Variants in SLC12A2 observed in about 807,000 individuals in gnomAD.
The protein encoded by SLC12A2 is Na-K-2Cl cotransporter 1.
A neutral mutation model predicts 136.3 loss-of-function variants in SLC12A2; 67 were observed. That is an observed-to-expected ratio of 0.49 (90% CI 0.40 to 0.60). SLC12A2 has a LOEUF of 0.60. Ranked by LOEUF, SLC12A2 falls within the 20% of genes least tolerant of loss-of-function variation. SLC12A2 has a pLI of 0.00. For missense variants in SLC12A2, 1,322 were observed against 1,534.7 expected (o/e 0.86, Z 2.32); for synonymous variants, 619 against 562.9 (o/e 1.10, Z -1.41).
chr5:128,146,304 C>T (rs1762525016), intron 10 of SLC12A2, among the ~76,000 whole-genome samples: 1 of 151,468 alleles, frequency 6.6e-6, no homozygotes, highest in South Asian at 2.1e-4. Flanking sequence ...TCCACTTGTC[C>T]CAGTAATGTC....
intron 16 of SLC12A2, among the ~76,000 whole-genome samples, chr5:128,160,931 G>A (rs1212436284): frequency 6.6e-6 from 1 of 151,886 alleles, no homozygotes; most frequent in Non-Finnish European, 1.5e-5. Context: ...TGGGACTTGT[G>A]GAGTTTTCTA....
At chr5:128,183,472 TAGTA>T (rs1763773085) in intron 24 of SLC12A2, among the ~76,000 whole-genome samples, 3 of 151,952 alleles carry the variant, frequency 2.0e-5, no homozygotes, top group Non-Finnish European at 1.5e-5. Context: ...AGATAGAAAA[TAGTA>T]AGGTACAATT....
intron 4 of SLC12A2, among the ~76,000 whole-genome samples, chr5:128,122,000 A>G (rs1243006152): frequency 6.6e-6 from 1 of 152,190 alleles, no homozygotes; most frequent in African/African-American, 2.4e-5. Context: ...AGACTCATTC[A>G]TAGAATAGAG....
In SLC12A2 at chr5:128,131,162, A is replaced by G; in HGVS notation, c.1144A>G (p.Met382Val). ...CTTTGCCAACGCTGTTGCAGTTGCT[A>G]TGTATGTGGTTGGATTTGCAGAAAC... ...FAFANAVAVA[M>V]YVVGFAETVV... Residue 382 changes from methionine to valine, a missense_variant, in exon 5 of 27, where the codon ATG becomes GTG. Met to Val is a conservative substitution (Grantham distance 21, BLOSUM62 1). Coordinates refer to ENST00000262461, the MANE Select transcript of SLC12A2 (RefSeq NM_001046.3). 1 of 1,614,126 alleles carries G rather than the reference A, an allele frequency of 6.2e-7. No individual in the cohort carries two copies. Among genetic ancestry groups the G allele is most frequent in the East Asian group, 2.2e-5 (1 of 44,886 alleles).
chr5:128,099,999 T>C (rs1205772491), intron 1 of SLC12A2, among the ~76,000 whole-genome samples: 1 of 152,164 alleles, frequency 6.6e-6, no homozygotes, highest in Non-Finnish European at 1.5e-5. Flanking sequence ...GTAACATATT[T>C]ATTATTGTTA....
intron 1 of SLC12A2, among the ~76,000 whole-genome samples, chr5:128,090,855 T>TA (rs1760286489): frequency 6.6e-6 from 1 of 152,118 alleles, no homozygotes; most frequent in Admixed American, 6.5e-5. Flanking sequence ...GGCAGTGTGA[T>TA]AAAGTCAGGG....
chr5:128,084,766 G>T lies in SLC12A2; in HGVS notation c.756+56G>T. On this transcript the variant is annotated intron_variant, in intron 1 of 26. Transcript: ENST00000262461. This position sits in a 1 kb window ranked among gnomAD's most constrained non-coding sequence, Gnocchi z 5.6. ...AGCCCCTGGTGCATGCCGACCGCGGGATGTGGCTGCAGACTCTTCCCGAGT... is the reference window on the plus strand; with the variant it reads ...AGCCCCTGGTGCATGCCGACCGCGGTATGTGGCTGCAGACTCTTCCCGAGT... The T allele has an allele frequency of 6.7e-7, 1 of 1,484,298 alleles. No individual in the cohort carries two copies. The highest frequency in any genetic ancestry group is 9.0e-7 in the Non-Finnish European group (1 of 1,113,070). 91.9% of individuals were successfully genotyped at this position (1,484,298 alleles called of 1,614,324 possible).
chr5:128,110,508 A>T (rs966460986), intron 1 of SLC12A2: 1 of 1,432,940 alleles, frequency 7.0e-7, no homozygotes, highest in African/African-American at 1.4e-5. Flanking sequence ...TCTTCTTTAA[A>T]CATGATGAAA....
At chr5:128,182,816 A>G (rs1745836662) in intron 23 of SLC12A2, 39 bp from the exon 24 acceptor site, 1 of 1,448,016 alleles carries the variant, frequency 6.9e-7, no homozygotes, top group African/African-American at 1.4e-5. Flanking sequence ...ATATAGAATG[A>G]AAATACTTGT....
At chr5:128,101,449 A>G (rs942675720) in intron 1 of SLC12A2, among the ~76,000 whole-genome samples, 1 of 152,174 alleles carries the variant, frequency 6.6e-6, no homozygotes, top group Non-Finnish European at 1.5e-5. Context: ...ATTTTAATTC[A>G]GAAGTTTGTA....
chr5:128,118,704 C>T (rs895610448), intron 4 of SLC12A2, among the ~76,000 whole-genome samples: 3 of 152,140 alleles, frequency 2.0e-5, no homozygotes, highest in Admixed American at 6.5e-5. Flanking sequence ...CCAAAAACCA[C>T]CTGTTCCCCA....
chr5:128,171,525 A>G (rs1163899364), intron 18 of SLC12A2, 142 bp from the exon 19 acceptor site: 1 of 631,398 alleles, frequency 1.6e-6, no homozygotes, highest in Non-Finnish European at 2.7e-6. Context: ...TCAACAAGTG[A>G]TTTTCAAAGC....
At chr5:128,141,214 G>A (rs1383253803) in intron 9 of SLC12A2, among the ~76,000 whole-genome samples, 1 of 152,086 alleles carries the variant, frequency 6.6e-6, no homozygotes, top group Non-Finnish European at 1.5e-5. Flanking sequence ...AAAAAAGTTA[G>A]CAAAAATATT....
chr5:128,135,830 T>G (rs780417796), intron 7 of SLC12A2, 22 bp downstream of exon 7: 1 of 1,262,858 alleles, frequency 7.9e-7, no homozygotes. Context: ...AGATTCAATA[T>G]TTTTTAAGGG....
At chr5:128,131,259 A>G (rs1762013317) in intron 5 of SLC12A2, 53 bp downstream of exon 5, 1 of 1,558,584 alleles carries the variant, frequency 6.4e-7, no homozygotes, top group Non-Finnish European at 8.9e-7. Context: ...TTGAGGGATT[A>G]TATGCCGATC....
intron 17 of SLC12A2, among the ~76,000 whole-genome samples, chr5:128,162,412 T>G (rs1451728900): frequency 6.6e-6 from 1 of 152,064 alleles, no homozygotes; most frequent in Non-Finnish European, 1.5e-5. Context: ...ACTAGATCCT[T>G]ATAAAAACCA....
chr5:128,177,719 C>T lies in SLC12A2; in HGVS notation c.2977+567C>T, dbSNP rs574228384. The stretch of plus-strand genomic sequence containing the variant: ...TCATTTGTCATGTTTGCATATATCA[C>T]AGCAGCATGAAAAGTGACATTCTAC... On this transcript the variant is annotated intron_variant, in intron 21 of 26. Transcript: ENST00000262461. 5 of 152,362 alleles carry T rather than the reference C, an allele frequency of 3.3e-5. No homozygotes were observed. In the East Asian group the frequency reaches 5.8e-4, roughly 18 times the overall value. The allele number at this position is 152,362 out of a possible 1,614,324, so 9.4% of individuals were successfully genotyped here.
At chr5:128,176,145 C>G (rs906936471) in intron 20 of SLC12A2, among the ~76,000 whole-genome samples, 1 of 151,992 alleles carries the variant, frequency 6.6e-6, no homozygotes, top group African/African-American at 2.4e-5. Flanking sequence ...ATACATCATG[C>G]AAGAAGTCAA....
Position 128,114,385 on chromosome 5 carries a change from A to G in SLC12A2, c.952+98A>G, listed in dbSNP as rs1581074549. The stretch of plus-strand genomic sequence containing the variant: ...ACTCAAGAAATTAGAGTCATTTTTA[A>G]CTACGTTTTCCTTTATATCAGATTG... On this transcript the variant is annotated intron_variant, in intron 3 of 26. Transcript: ENST00000262461. 7.2e-6 allele frequency: 7 copies of G among 965,558 alleles called. No homozygotes were observed. In the East Asian group the frequency reaches 1.7e-4, roughly 23 times the overall value. The allele number at this position is 965,558 out of a possible 1,614,324, so 59.8% of individuals were successfully genotyped here.
Sources: gnomAD v4.1 joint callset for allele counts (sites outside exome capture counted in the v4.1 genomes callset) on GRCh38, gnomAD v4.1.1 for gene constraint, Gnocchi (gnomAD v3.1) non-coding constraint, MANE v1.5 for transcripts, NCBI Gene and HGNC (gene_info 2026-07-23, HGNC 2026-07-21) for gene names.